DLGAP2: variants seen among roughly 807,000 people sequenced by gnomAD.
The protein encoded by DLGAP2 is disks large-associated protein 2.
Under a neutral mutation model 100.3 loss-of-function variants are expected in DLGAP2, and 26 were observed. The ratio of observed to expected loss-of-function variants is 0.26; its 90% CI spans 0.19 to 0.36. DLGAP2 has a LOEUF of 0.36. DLGAP2 is among the 10% of genes least tolerant of loss of function. The probability of loss-of-function intolerance (pLI) is 1.00; values close to 1 mark genes in which losing one functional copy is unlikely to be tolerated. For synonymous variants in DLGAP2, 886 were observed against 630.1 expected, an observed-to-expected ratio of 1.41 and a Z score of -6.08; for missense variants, 1,858 against 1,453.2, an observed-to-expected ratio of 1.28 and a Z score of -4.53.
At chr8:1,002,762 C>G (rs901563652) in intron 2 of DLGAP2, 2 of 152,316 alleles carry the variant, frequency 1.3e-5, no homozygotes, top group Admixed American at 6.5e-5. Context: ...CAGTGGCTGA[C>G]AGGAAGAGAC....
chr8:1,534,051 G>A (rs1388720398), intron 4 of DLGAP2, among the ~76,000 whole-genome samples: 1 of 152,140 alleles, frequency 6.6e-6, no homozygotes, highest in Non-Finnish European at 1.5e-5. Flanking sequence ...TTCTTCTTTT[G>A]CTGTATTCTG....
intron 4 of DLGAP2, among the ~76,000 whole-genome samples, chr8:1,504,273 G>C (rs1352236086): frequency 6.6e-6 from 1 of 151,928 alleles, no homozygotes; most frequent in Non-Finnish European, 1.5e-5. Context: ...GCTTTATTAA[G>C]TTATATTCAC....
chr8:851,803 A>G (rs1214914803), intron 1 of DLGAP2, among the ~76,000 whole-genome samples: 1 of 152,124 alleles, frequency 6.6e-6, no homozygotes, highest in Non-Finnish European at 1.5e-5. Context: ...CAGGAACCAC[A>G]CTCGGAGCTG....
At chr8:1,539,078 G>A (rs904681998) in intron 4 of DLGAP2, among the ~76,000 whole-genome samples, 4 of 152,044 alleles carry the variant, frequency 2.6e-5, no homozygotes, top group African/African-American at 9.7e-5. Flanking sequence ...TAGAGATGGG[G>A]TTTCACCGTG....
At chr8:1,615,251 C>G (rs1402859011) in intron 6 of DLGAP2, among the ~76,000 whole-genome samples, 8 of 152,176 alleles carry the variant, frequency 5.3e-5, no homozygotes, top group African/African-American at 1.9e-4. Context: ...GCCAGGTAAA[C>G]CATCTGCAGC....
At chr8:1,374,752 G>A (rs932756981) in intron 3 of DLGAP2, among the ~76,000 whole-genome samples, 2 of 152,108 alleles carry the variant, frequency 1.3e-5, no homozygotes, top group Non-Finnish European at 2.9e-5. Flanking sequence ...GAGACTGGAC[G>A]GTGGAAATCC....
At chr8:1,282,186 G>GCCC (rs2116950680) in intron 3 of DLGAP2, among the ~76,000 whole-genome samples, 3 of 124,398 alleles carry the variant, frequency 2.4e-5, no homozygotes, top group South Asian at 2.7e-4. Context: ...AACCCAGCAC[G>GCCC]TGAACCATCC....
At chr8:1,253,536 C>T (rs1250092275) in intron 2 of DLGAP2, among the ~76,000 whole-genome samples, 1 of 152,230 alleles carries the variant, frequency 6.6e-6, no homozygotes, top group African/African-American at 2.4e-5. Flanking sequence ...GGAGATGCTG[C>T]AGTTTCCTCT....
rs536118580 is a variant in DLGAP2, at chr8:1,680,699, T to C, written c.2704+2070T>C. The C allele has an allele frequency of 1.4e-4, 21 of 152,378 alleles. 1 individual carries two copies. In the South Asian group the frequency reaches 3.9e-3, roughly 29 times the overall value. The allele number at this position is 152,378 out of a possible 1,614,324, so 9.4% of individuals were successfully genotyped here. On this transcript the variant is annotated intron_variant, in intron 12 of 14. Transcript: ENST00000637795. ...TGCATTTCTCATGGTTAGGGTACAT[T>C]TAACAGAGTAACTTCACAATTTTGA... is the stretch of plus-strand genomic sequence containing the variant.
At chr8:1,650,732 G>T (rs920539065) in intron 8 of DLGAP2, among the ~76,000 whole-genome samples, 2 of 150,474 alleles carry the variant, frequency 1.3e-5, no homozygotes, top group Non-Finnish European at 2.9e-5. Flanking sequence ...ACAGTTGCTG[G>T]AGCAGAGGTG....
chr8:1,038,387 C>T (rs1802195707), intron 2 of DLGAP2, among the ~76,000 whole-genome samples: 1 of 152,162 alleles, frequency 6.6e-6, no homozygotes, highest in Non-Finnish European at 1.5e-5. Flanking sequence ...CCTCCAACCC[C>T]ACCAGCAAAT....
chr8:820,358 A>G (rs1257922403), intron 1 of DLGAP2, among the ~76,000 whole-genome samples: 1 of 152,258 alleles, frequency 6.6e-6, no homozygotes, highest in Non-Finnish European at 1.5e-5. Context: ...ACACATGCAT[A>G]TGAAACCCTT....
chr8:1,476,266 T>A (rs189250918), intron 3 of DLGAP2, among the ~76,000 whole-genome samples: 12 of 152,330 alleles, frequency 7.9e-5, no homozygotes, highest in Admixed American at 6.5e-4. Flanking sequence ...GTCATCTGAA[T>A]GATATTTTTT....
At chr8:809,213 C>A (rs1212717562) in intron 1 of DLGAP2, among the ~76,000 whole-genome samples, 1 of 152,096 alleles carries the variant, frequency 6.6e-6, no homozygotes, top group African/African-American at 2.4e-5. Flanking sequence ...CCAATGATTA[C>A]TTCTTCATAT....
At chr8:1,652,086 A>G (rs1293852722) in intron 8 of DLGAP2, among the ~76,000 whole-genome samples, 2 of 152,194 alleles carry the variant, frequency 1.3e-5, no homozygotes, top group African/African-American at 4.8e-5. Context: ...TTTAACATGC[A>G]GGTGTAGAAT....
chr8:1,156,647 G>A (rs535049235), intron 2 of DLGAP2, among the ~76,000 whole-genome samples: 2 of 149,770 alleles, frequency 1.3e-5, no homozygotes, highest in Admixed American at 1.3e-4. Flanking sequence ...CCGGCTCAGC[G>A]CCCCAGCCCA....
intron 1 of DLGAP2, among the ~76,000 whole-genome samples, chr8:896,631 A>G (rs1798148266): frequency 6.6e-6 from 1 of 152,018 alleles, no homozygotes; most frequent in Non-Finnish European, 1.5e-5. Context: ...CCATGTTGGT[A>G]TTCGTGCCCT....
intron 1 of DLGAP2, among the ~76,000 whole-genome samples, chr8:758,750 T>A (rs1820984154): frequency 6.6e-6 from 1 of 152,022 alleles, no homozygotes; most frequent in Non-Finnish European, 1.5e-5. Flanking sequence ...TTTGTAGAAA[T>A]GTGGTCTTGC....
intron 2 of DLGAP2, among the ~76,000 whole-genome samples, chr8:990,278 G>C (rs74456969): frequency 6.6e-6 from 1 of 151,672 alleles, no homozygotes; most frequent in Non-Finnish European, 1.5e-5. Flanking sequence ...CATGGGAATC[G>C]ACCTTCTGAA....
Sources: allele counts gnomAD v4.1 joint callset (sites outside exome capture counted in the v4.1 genomes callset), GRCh38; gene constraint gnomAD v4.1.1; transcripts MANE v1.5; gene names NCBI Gene and HGNC (gene_info 2026-07-23, HGNC 2026-07-21).